IL1RAPL2: variants seen among roughly 807,000 people sequenced by gnomAD.
IL1RAPL2 encodes X-linked interleukin-1 receptor accessory protein-like 2.
Under a neutral mutation model 44.1 loss-of-function variants are expected in IL1RAPL2, and 3 were observed. That is an observed-to-expected ratio of 0.07 (90% confidence interval 0.03 to 0.18). IL1RAPL2 has a LOEUF of 0.18. Among genes scored for constraint, IL1RAPL2 ranks in the 10% least tolerant of loss-of-function variants. The pLI is 1.00. For missense variants in IL1RAPL2, 391 were observed against 496.4 expected (o/e 0.79, Z 2.02); for synonymous variants, 181 against 178.8 (o/e 1.01, Z -0.10).
chrX:104,609,695 C>T (rs779648851), intron 1 of IL1RAPL2, among the ~76,000 whole-genome samples: 74 of 111,539 alleles, frequency 6.6e-4, no homozygotes, highest in African/African-American at 2.2e-3. Flanking sequence ...GTTTTTCAGC[C>T]CCATCAGGTC....
At chrX:104,731,093 A>T (rs1238743651) in intron 2 of IL1RAPL2, among the ~76,000 whole-genome samples, 1 of 111,077 alleles carries the variant, frequency 9.0e-6, no homozygotes, top group Non-Finnish European at 1.9e-5. Context: ...AATTTGTTTG[A>T]GTTCATTGTA....
intron 2 of IL1RAPL2, among the ~76,000 whole-genome samples, chrX:105,068,113 G>GTCT (rs923012340): frequency 7.2e-5 from 8 of 111,633 alleles, no homozygotes; most frequent in Non-Finnish European, 1.1e-4. Context: ...ATATGATTGG[G>GTCT]TCTTCCTTTT....
intron 6 of IL1RAPL2, among the ~76,000 whole-genome samples, chrX:105,689,768 C>T (rs1258708356): frequency 8.9e-6 from 1 of 112,030 alleles, no homozygotes; most frequent in Non-Finnish European, 1.9e-5. Context: ...CACATGCACA[C>T]GTATGTTTAC....
At chrX:105,447,805 CATATAAAT>C (rs1483151431) in intron 5 of IL1RAPL2, among the ~76,000 whole-genome samples, 10 of 77,029 alleles carry the variant, frequency 1.3e-4, no homozygotes, top group Non-Finnish European at 1.4e-4. Flanking sequence ...ATATATTATA[CATATAAAT>C]ATATAAATAT....
intron 7 of IL1RAPL2, among the ~76,000 whole-genome samples, chrX:105,725,804 A>C (rs193149947): frequency 1.8e-5 from 2 of 111,692 alleles, no homozygotes; most frequent in Non-Finnish European, 3.8e-5. Context: ...CCTTTCTTCT[A>C]CTCTCAGCTC....
At chrX:104,637,816 GTGTGTGTC>G (rs1421867538) in intron 1 of IL1RAPL2, among the ~76,000 whole-genome samples, 11 of 109,535 alleles carry the variant, frequency 1.0e-4, no homozygotes, top group Admixed American at 2.0e-4. Context: ...GTGTGTGTGT[GTGTGTGTC>G]TGTGTGTCTG....
chrX:105,559,791 G>A (rs781556910), intron 6 of IL1RAPL2, among the ~76,000 whole-genome samples: 4 of 111,550 alleles, frequency 3.6e-5, no homozygotes, highest in South Asian at 3.7e-4. Flanking sequence ...ATCTTTTTAG[G>A]TTTCACTGTG....
chrX:105,640,791 T>G (rs868029851), intron 6 of IL1RAPL2, among the ~76,000 whole-genome samples: 2 of 79,074 alleles, frequency 2.5e-5, no homozygotes, highest in African/African-American at 9.8e-5. Flanking sequence ...TAGATATAGA[T>G]ATAGATAGAG....
At chrX:105,207,203 AT>A (rs1556153163) in intron 3 of IL1RAPL2, among the ~76,000 whole-genome samples, 14 of 110,951 alleles carry the variant, frequency 1.3e-4, no homozygotes, top group Non-Finnish European at 2.6e-4. Context: ...ACAAATATTT[AT>A]TGAGTACCTC....
At chrX:105,077,840 G>C (rs2032333990) in intron 2 of IL1RAPL2, among the ~76,000 whole-genome samples, 1 of 111,964 alleles carries the variant, frequency 8.9e-6, no homozygotes, top group East Asian at 2.8e-4. Context: ...ATCAGTTACT[G>C]AGGCTTGTGC....
At chrX:104,919,691 C>T (rs942115482) in intron 2 of IL1RAPL2, among the ~76,000 whole-genome samples, 2 of 34,677 alleles carry the variant, frequency 5.8e-5, no homozygotes, top group Non-Finnish European at 1.2e-4. Flanking sequence ...GCAACCACAC[C>T]CACTTTTTTT....
intron 2 of IL1RAPL2, among the ~76,000 whole-genome samples, chrX:104,878,850 A>C (rs1293719762): frequency 9.0e-6 from 1 of 110,838 alleles, no homozygotes; most frequent in Non-Finnish European, 1.9e-5. Context: ...TTTTTTTTGA[A>C]TGAACAAATT....
chrX:104,995,229 A>G (rs1184313382), intron 2 of IL1RAPL2, among the ~76,000 whole-genome samples: 5 of 110,677 alleles, frequency 4.5e-5, no homozygotes, highest in Admixed American at 3.9e-4. Flanking sequence ...ATTCTTTGTT[A>G]TCTATTTACT....
At chrX:104,998,230 G>T (rs2030783617) in intron 2 of IL1RAPL2, among the ~76,000 whole-genome samples, 1 of 111,784 alleles carries the variant, frequency 8.9e-6, no homozygotes, top group African/African-American at 3.2e-5. Context: ...ATATGGTGTT[G>T]AGAAATCAAG....
chrX:104,682,633 G>A (rs1368712655), intron 2 of IL1RAPL2, among the ~76,000 whole-genome samples: 6 of 112,008 alleles, frequency 5.4e-5, no homozygotes, highest in Non-Finnish European at 1.1e-4. Context: ...CTGAGTCAGG[G>A]CCTAATAAAT....
intron 3 of IL1RAPL2, among the ~76,000 whole-genome samples, chrX:105,205,587 TAAAAAAAAAAAAAAAAAAAA>T (rs375473348): frequency 0.037 from 301 of 8,211 alleles, 9 homozygotes; most frequent in African/African-American, 0.06. Flanking sequence ...AAGACTCTGT[TAAAAAAAAAAAAAAAAAAAA>T]AAAAAAAAAA....
intron 5 of IL1RAPL2, among the ~76,000 whole-genome samples, chrX:105,404,463 T>G (rs777568898): frequency 5.4e-4 from 61 of 112,037 alleles, no homozygotes; most frequent in Non-Finnish European, 6.8e-4. Context: ...ATTTCTAATA[T>G]GTAATTCATT....
At chrX:105,071,958 A>G (rs1182374809) in intron 2 of IL1RAPL2, among the ~76,000 whole-genome samples, 2 of 112,157 alleles carry the variant, frequency 1.8e-5, no homozygotes, top group African/African-American at 6.5e-5. Flanking sequence ...TGGTCTGAGC[A>G]AAGATTGTTT....
At chrX:105,685,542 T>C (rs963723926) in intron 6 of IL1RAPL2, among the ~76,000 whole-genome samples, 1 of 111,603 alleles carries the variant, frequency 9.0e-6, no homozygotes, top group Non-Finnish European at 1.9e-5. Context: ...CCAAGAAATA[T>C]GGATCTATGT....
Sources: allele counts gnomAD v4.1 joint callset (sites outside exome capture counted in the v4.1 genomes callset), GRCh38; gene constraint gnomAD v4.1.1; transcripts MANE v1.5; gene names NCBI Gene and HGNC (gene_info 2026-07-23, HGNC 2026-07-21).